The following AP4E1 variants were observed in gnomAD, a reference collection of about 807,000 sequenced individuals.
The protein encoded by AP4E1 is AP-4 complex subunit epsilon-1.
A neutral mutation model predicts 128.2 loss-of-function variants in AP4E1; 56 were observed. The ratio of observed to expected loss-of-function variants is 0.44; its 90% CI spans 0.35 to 0.55. AP4E1 has a LOEUF of 0.55. AP4E1 is among the 20% of genes least tolerant of loss of function. AP4E1 has a pLI of 0.00. For synonymous variants in AP4E1, 484 were observed against 473.1 expected, an observed-to-expected ratio of 1.02 and a Z score of -0.30; for missense variants, 1,324 against 1,307.7, an observed-to-expected ratio of 1.01 and a Z score of -0.19.
At chr15:50,987,301 C>T (rs1037788986) in intron 16 of AP4E1, among the ~76,000 whole-genome samples, 5 of 152,112 alleles carry the variant, frequency 3.3e-5, no homozygotes, top group African/African-American at 1.2e-4. Flanking sequence ...TCTCTATTTC[C>T]TTCAGCTCTG....
chr15:50,921,100 G>A (rs946789261), intron 3 of AP4E1, among the ~76,000 whole-genome samples: 3 of 120,048 alleles, frequency 2.5e-5, no homozygotes, highest in Non-Finnish European at 5.1e-5. Context: ...ACCGTGCCCA[G>A]CCAGAATGCC....
intron 15 of AP4E1, among the ~76,000 whole-genome samples, chr15:50,970,172 A>G (rs1016508764): frequency 6.6e-5 from 10 of 152,180 alleles, no homozygotes; most frequent in Admixed American, 2.0e-4. Context: ...GCTTCCACAT[A>G]TGAGAGAGAA....
At chr15:50,959,982 T>G (rs1425517340) in intron 14 of AP4E1, among the ~76,000 whole-genome samples, 1 of 150,876 alleles carries the variant, frequency 6.6e-6, no homozygotes, top group Non-Finnish European at 1.5e-5. Flanking sequence ...TAGCTAATGT[T>G]ATATCAGACA....
At chr15:50,931,961 T>A (rs950738950) in intron 7 of AP4E1, among the ~76,000 whole-genome samples, 13 of 151,866 alleles carry the variant, frequency 8.6e-5, no homozygotes, top group Admixed American at 8.6e-4. Context: ...ACTATATATA[T>A]ATATACTTTC....
At chr15:50,925,256 A>G in intron 5 of AP4E1, 37 bp downstream of exon 5, 3 of 1,596,832 alleles carry the variant, frequency 1.9e-6, no homozygotes, top group Non-Finnish European at 2.6e-6. Context: ...TCTATGCCAT[A>G]TATTTCAAAA....
intron 17 of AP4E1, 70 bp downstream of exon 17, chr15:50,993,695 A>G: frequency 6.3e-7 from 1 of 1,591,228 alleles, no homozygotes; most frequent in Non-Finnish European, 8.6e-7. Flanking sequence ...GGCTCTATAA[A>G]AGCTCCTGGC....
chr15:50,960,426 C>T (rs146650527), intron 14 of AP4E1, among the ~76,000 whole-genome samples: 2 of 152,190 alleles, frequency 1.3e-5, no homozygotes, highest in South Asian at 2.1e-4. Context: ...CAAGTACCTT[C>T]TCAGGCTGCA....
At chr15:50,965,652 A>G (rs1366184942) in intron 14 of AP4E1, among the ~76,000 whole-genome samples, 1 of 152,220 alleles carries the variant, frequency 6.6e-6, no homozygotes, top group Non-Finnish European at 1.5e-5. Flanking sequence ...ACCACTTTTC[A>G]GGAACCTCCA....
At chr15:50,943,582 AG>A (rs1355393285) in intron 10 of AP4E1, among the ~76,000 whole-genome samples, 1 of 152,144 alleles carries the variant, frequency 6.6e-6, no homozygotes, top group Non-Finnish European at 1.5e-5. Context: ...ACAGATACAG[AG>A]CATGCATTTC....
intron 17 of AP4E1, among the ~76,000 whole-genome samples, chr15:50,996,684 C>T (rs1040666661): frequency 1.3e-5 from 2 of 152,152 alleles, no homozygotes; most frequent in Non-Finnish European, 2.9e-5. Context: ...AACCATCACT[C>T]CTCTTACATA....
chr15:50,974,242 A>G (rs977981743), intron 15 of AP4E1, among the ~76,000 whole-genome samples: 1 of 148,654 alleles, frequency 6.7e-6, no homozygotes, highest in South Asian at 2.1e-4. Flanking sequence ...CTGGGATTAC[A>G]GGTATGAGCC....
At chr15:50,983,656 A>G (rs375155354) in intron 15 of AP4E1, among the ~76,000 whole-genome samples, 2 of 152,236 alleles carry the variant, frequency 1.3e-5, no homozygotes, top group African/African-American at 2.4e-5. Context: ...TCAGCAAAAC[A>G]TGGTCACCTC....
intron 14 of AP4E1, among the ~76,000 whole-genome samples, chr15:50,967,868 A>G (rs969689953): frequency 1.3e-5 from 2 of 152,238 alleles, no homozygotes; most frequent in Non-Finnish European, 2.9e-5. Context: ...GCTGAAGTAC[A>G]GTGGCACAGT....
chr15:50,945,334 A>T, intron 10 of AP4E1: 1 of 780,430 alleles, frequency 1.3e-6, no homozygotes. Context: ...AGTACTGTAC[A>T]ACATGAGGCA....
chr15:50,992,023 A>T (rs1198942034), intron 16 of AP4E1, among the ~76,000 whole-genome samples: 1 of 147,502 alleles, frequency 6.8e-6, no homozygotes, highest in Non-Finnish European at 1.5e-5. Flanking sequence ...TAAACATTGT[A>T]TATTTGACCC....
chr15:50,990,878 G>A (rs1157721104), intron 16 of AP4E1, among the ~76,000 whole-genome samples: 1 of 152,174 alleles, frequency 6.6e-6, no homozygotes, highest in Non-Finnish European at 1.5e-5. Context: ...AGCACATTCT[G>A]TGATGGCATT....
chr15:50,962,982 A>G (rs924371673), intron 14 of AP4E1, among the ~76,000 whole-genome samples: 21 of 151,808 alleles, frequency 1.4e-4, no homozygotes, highest in Non-Finnish European at 3.1e-4. Flanking sequence ...CAAATGGCCA[A>G]CAGGTAAACA....
intron 14 of AP4E1, among the ~76,000 whole-genome samples, chr15:50,964,955 C>CCCCCCCCCCCCCACACACACACACACACA (rs1555459128): frequency 7.6e-6 from 1 of 131,460 alleles, no homozygotes; most frequent in African/African-American, 3.0e-5. Flanking sequence ...CCTCCCCCTA[C>CCCCCCCCCCCCCACACACACACACACACA]CACACACACA....
chr15:50,923,348 A>G, intron 3 of AP4E1, among the ~76,000 whole-genome samples: 1 of 152,216 alleles, frequency 6.6e-6, no homozygotes, highest in Non-Finnish European at 1.5e-5. Context: ...ATTTAAGCCA[A>G]TGAGTATATT....
Sources: allele counts gnomAD v4.1 joint callset (sites outside exome capture counted in the v4.1 genomes callset), GRCh38; gene constraint gnomAD v4.1.1; transcripts MANE v1.5; gene names NCBI Gene and HGNC (gene_info 2026-07-23, HGNC 2026-07-21).